Variants in ARL2BP observed in about 807,000 individuals in gnomAD.
The protein encoded by ARL2BP is ARF like GTPase 2 binding protein.
A neutral mutation model predicts 24.2 loss-of-function variants in ARL2BP; 19 were observed. That is an observed-to-expected ratio of 0.79 (90% CI 0.55 to 1.15). The LOEUF is 1.15. ARL2BP is among the 50% of genes most tolerant of loss of function. The pLI is 0.00. For missense variants in ARL2BP, 160 were observed against 190.4 expected (o/e 0.84, Z 0.94); for synonymous variants, 56 against 70.5 (o/e 0.79, Z 1.03).
chr16:57,246,927 G>A (rs1192907124), intron 2 of ARL2BP, among the ~76,000 whole-genome samples: 2 of 152,180 alleles, frequency 1.3e-5, no homozygotes, highest in South Asian at 4.1e-4. Context: ...TCCTACTTGT[G>A]GATGTATTTG....
chr16:57,250,211 G>C (rs193024579), intron 4 of ARL2BP, 200 bp from the exon 5 acceptor site: 80 of 607,556 alleles, frequency 1.3e-4, no homozygotes, highest in Middle Eastern at 1.3e-3. Context: ...AATCCCTTGA[G>C]CCCAGCAGTT....
In ARL2BP at chr16:57,245,300, C is replaced by T. The variant is rs1234028226; in HGVS notation, c.-68C>T. On this transcript the variant is annotated 5_prime_UTR_variant, in exon 1 of 6. Coordinates refer to ENST00000219204, the MANE Select transcript of ARL2BP (RefSeq NM_012106.4). ...CCTTGGCTGAGAGGCCTTAACCCCGCCGGGCGGCCGCGCCCTGCATGCGAG... is the reference window on the plus strand; with the variant it reads ...CCTTGGCTGAGAGGCCTTAACCCCGTCGGGCGGCCGCGCCCTGCATGCGAG... 6.4e-7 allele frequency: 1 copy of T among 1,563,024 alleles called. No homozygotes were observed. The highest frequency in any genetic ancestry group is 1.9e-5 in the Admixed American group (1 of 51,922).
At position 57,250,414 on chromosome 16, in the gene ARL2BP, C is replaced by T. The variant is rs2075403757; in HGVS notation, c.297C>T (p.His99=). 6.2e-7 allele frequency: 1 copy of T among 1,614,046 alleles called. No individual in the cohort carries two copies. Among genetic ancestry groups the T allele is most frequent in the South Asian group, 1.1e-5 (1 of 91,072 alleles). The change falls in exon 5 of 6, where the codon CAC becomes CAT. Residue 99 remains histidine, a synonymous_variant. Transcript: ENST00000219204. ...NMAAFTTTLQ[H]HKDEVAGDIF... is the part of the protein sequence containing the mutation. The stretch of plus-strand genomic sequence containing the variant: ...CAGCCATCTGTTCCGTTTGCAGGCA[C>T]CATAAGGATGAAGTGGCTGGTGACA...
rs757696558 is a variant in ARL2BP, at chr16:57,252,317, A to G, written c.*50A>G. 6.2e-7 allele frequency: 1 copy of G among 1,613,944 alleles called. No individual in the cohort carries two copies. The highest frequency in any genetic ancestry group is 8.5e-7 in the Non-Finnish European group (1 of 1,179,992). On this transcript the variant is annotated 3_prime_UTR_variant, in exon 6 of 6. Transcript: ENST00000219204. ...GATCATTCTGGATGTCACCAGCCCA[A>G]TAGGCTCAGCTCATGATGACAGAAC...
At position 57,249,828 on chromosome 16, in the gene ARL2BP, T is replaced by C. The variant is rs1273675948; in HGVS notation, c.269T>C (p.Met90Thr). Residue 90 changes from methionine (M) to threonine (T), a missense_variant, in exon 4 of 6, where the codon ATG (methionine) becomes ACG (threonine). Transcript: ENST00000219204. ...QLLQRIPEFN[M>T]AAFTTTLQHH... ...CTGCAGCGGATTCCTGAGTTCAACA[T>C]GGCAGCCTTCACCACAACATTACAG... The C allele has an allele frequency of 5.6e-6, 9 of 1,614,232 alleles. No individual in the cohort carries two copies. The highest frequency in any genetic ancestry group is 8.5e-7 in the Non-Finnish European group (1 of 1,180,032).
intron 5 of ARL2BP, 166 bp from the exon 6 acceptor site, chr16:57,252,000 C>A: frequency 1.7e-6 from 1 of 599,600 alleles, no homozygotes; most frequent in Non-Finnish European, 3.0e-6. Context: ...AAGACTAGGG[C>A]AGGCCAGTAT....
chr16:57,246,106 A>T lies in ARL2BP; in HGVS notation c.65A>T (p.Asp22Val), dbSNP rs766410828. ...TCCTCCGCCTCTGATGCAGAATTTG[A>T]TGCTGTGGTTGGATATTTAGAGGAC... The part of the protein sequence containing the change: ...SFSSASDAEF[D>V]AVVGYLEDII... The change falls in exon 2 of 6, where the codon GAT (aspartate) becomes GTT (valine). Residue 22 changes from aspartate to valine, a missense_variant. Physicochemically the swap from Asp to Val is radical, Grantham distance 152. Coordinates refer to ENST00000219204, the MANE Select transcript of ARL2BP (RefSeq NM_012106.4). 7 of 1,613,998 alleles carry T rather than the reference A, an allele frequency of 4.3e-6. No homozygotes were observed. Among genetic ancestry groups the T allele is most frequent in the Non-Finnish European group, 5.9e-6 (7 of 1,180,026 alleles).
At chr16:57,250,087 A>C (rs1286081417) in intron 4 of ARL2BP, 1 of 597,408 alleles carries the variant, frequency 1.7e-6, no homozygotes, top group Non-Finnish European at 3.0e-6. Flanking sequence ...TGAGCCCAGG[A>C]GTTCAAGACC....
chr16:57,245,319 AT>A lies in ARL2BP; in HGVS notation c.-48del, dbSNP rs760835998. ...ACCCCGCCGGGCGGCCGCGCCCTGC[AT>A]GCGAGTTGGGCCGCGGGCGGGGTTG... On this transcript the variant is annotated 5_prime_UTR_variant, in exon 1 of 6. An upstream start codon of the reference 5' UTR is lost. Coordinates refer to ENST00000219204, the MANE Select transcript of ARL2BP (RefSeq NM_012106.4). The A allele has an allele frequency of 6.3e-7, 1 of 1,588,394 alleles. No homozygotes were observed. Among genetic ancestry groups the A allele is most frequent in the East Asian group, 2.3e-5 (1 of 44,044 alleles).
rs751471386 is a variant in ARL2BP at position 57,249,857 on chromosome 16, G to A, written c.293+5G>A. On this transcript the variant is annotated splice_donor_5th_base_variant and intron_variant, in intron 4 of 5. Coordinates refer to ENST00000219204, the MANE Select transcript of ARL2BP (RefSeq NM_012106.4). ...AGCCTTCACCACAACATTACAGTGAGTTGAGCTTGACTGATTTTTGTGTTT... is the reference window on the plus strand; with the variant it reads ...AGCCTTCACCACAACATTACAGTGAATTGAGCTTGACTGATTTTTGTGTTT... The A allele has an allele frequency of 4.3e-6, 7 of 1,613,374 alleles. No individual in the cohort carries two copies. The South Asian group carries it at 4.4e-5, about 10-fold the overall frequency.
At chr16:57,247,883 C>T (rs190823956) in intron 2 of ARL2BP, among the ~76,000 whole-genome samples, 255 of 152,170 alleles carry the variant, frequency 1.7e-3, no homozygotes, top group Middle Eastern at 3.4e-3. Context: ...CCCAAGCCAC[C>T]CTGTGTGGAT....
Position 57,253,476 on chromosome 16 carries a change from T to TAATA in ARL2BP, c.*1210_*1213dup, listed in dbSNP as rs2075414987. ...GTGTGTCCCTTTGATTTTTTTTTTT[T>TAATA]AATAGTAAAAATAAGAATCTGTACT... On this transcript the variant is annotated 3_prime_UTR_variant, in exon 6 of 6. Transcript: ENST00000219204. The TAATA allele has an allele frequency of 6.6e-6, 1 of 152,092 alleles. No homozygotes were observed. Among genetic ancestry groups the TAATA allele is most frequent in the Non-Finnish European group, 1.5e-5 (1 of 68,018 alleles). The allele number at this position is 152,092 out of a possible 1,614,324, so 9.4% of individuals were successfully genotyped here. A position where few individuals can be genotyped will look rare whatever the true frequency, so the allele number is the denominator to read the frequency against.
chr16:57,250,534 C>A, intron 5 of ARL2BP, 27 bp downstream of exon 5: 1 of 1,557,944 alleles, frequency 6.4e-7, no homozygotes, highest in Non-Finnish European at 8.9e-7. Context: ...ATTTATTTAG[C>A]CACTTTGAGC....
At chr16:57,250,310 A>T in intron 4 of ARL2BP, 101 bp from the exon 5 acceptor site, 1 of 1,038,058 alleles carries the variant, frequency 9.6e-7, no homozygotes, top group Non-Finnish European at 1.5e-6. Context: ...AAACAAAAAT[A>T]ATGCGGGGGG....
At position 57,252,277 on chromosome 16, in the gene ARL2BP, C is replaced by G; in HGVS notation, c.*10C>G. 6.2e-7 allele frequency: 1 copy of G among 1,614,208 alleles called. No individual in the cohort carries two copies. Among genetic ancestry groups the G allele is most frequent in the Non-Finnish European group, 8.5e-7 (1 of 1,180,030 alleles). On this transcript the variant is annotated 3_prime_UTR_variant, in exon 6 of 6. Coordinates refer to ENST00000219204, the MANE Select transcript of ARL2BP (RefSeq NM_012106.4). ...CAATCTGCGGCACTAGGTCCTACCT[C>G]CAGCCAATGAATGGGATCATTCTGG...
chr16:57,246,240 T>C (rs1352170533), intron 2 of ARL2BP, 99 bp downstream of exon 2: 1 of 1,202,546 alleles, frequency 8.3e-7, no homozygotes, highest in Non-Finnish European at 1.2e-6. Context: ...AACATCAAGC[T>C]GCCTGCAATT....
intron 1 of ARL2BP, among the ~76,000 whole-genome samples, 173 bp downstream of exon 1, chr16:57,245,578 A>C (rs1188445855): frequency 1.3e-5 from 2 of 152,004 alleles, no homozygotes; most frequent in Non-Finnish European, 2.9e-5. Flanking sequence ...GTAGAGTACT[A>C]AGGCTGCAGG....
In ARL2BP at chr16:57,252,228, ATCT is replaced by A; in HGVS notation, c.457_459del (p.Ser153del). 1 of 1,614,064 alleles carries A rather than the reference ATCT, an allele frequency of 6.2e-7. No homozygotes were observed. Among genetic ancestry groups the A allele is most frequent in the African/African-American group, 1.3e-5 (1 of 75,008 alleles). On this transcript the variant is annotated inframe_deletion, in exon 6 of 6. Coordinates refer to ENST00000219204, the MANE Select transcript of ARL2BP (RefSeq NM_012106.4). ...TAGTGGTGACTTCATTGTGCAAATC[ATCT>A]TCTCTGCCAGCTTCCCAGAACAATC...
At chr16:57,245,456 G>A (rs1044940899) in intron 1 of ARL2BP, 51 bp downstream of exon 1, 2 of 1,588,888 alleles carry the variant, frequency 1.3e-6, no homozygotes, top group Middle Eastern at 1.7e-4. Flanking sequence ...GGCAGCGGGC[G>A]TTCGCCCCGG....
Sources: gnomAD v4.1 joint callset for allele counts (sites outside exome capture counted in the v4.1 genomes callset) on GRCh38, gnomAD v4.1.1 for gene constraint, MANE v1.5 for transcripts, NCBI Gene and HGNC (gene_info 2026-07-23, HGNC 2026-07-21) for gene names.